Variants in NALF1 observed in about 807,000 individuals in gnomAD.
NALF1 encodes NALCN channel auxiliary factor 1.
In NALF1, 3 loss-of-function variants were observed where a neutral mutation model predicts 48.4. That is an observed-to-expected ratio of 0.06 (90% CI 0.03 to 0.16). The LOEUF is 0.16. Ranked by LOEUF, NALF1 falls within the 10% of genes least tolerant of loss-of-function variation. NALF1 has a pLI of 1.00. For synonymous variants in NALF1, 262 were observed against 245.7 expected (o/e 1.07, Z -0.62); for missense variants, 526 against 571.5 (o/e 0.92, Z 0.81).
intron 1 of NALF1, among the ~76,000 whole-genome samples, chr13:107,262,583 C>A (rs1363154105): frequency 6.6e-6 from 1 of 152,176 alleles, no homozygotes; most frequent in Non-Finnish European, 1.5e-5. Context: ...CAAAAACAAT[C>A]ATTTCCCTCA....
At chr13:107,653,458 C>T (rs1022670507) in intron 1 of NALF1, among the ~76,000 whole-genome samples, 3 of 147,116 alleles carry the variant, frequency 2.0e-5, no homozygotes, top group Non-Finnish European at 4.5e-5. Context: ...TATAATCAAG[C>T]CTCTGCTGTT....
intron 1 of NALF1, among the ~76,000 whole-genome samples, chr13:107,690,669 T>C (rs1375352119): frequency 6.6e-6 from 1 of 152,192 alleles, no homozygotes; most frequent in Non-Finnish European, 1.5e-5. Context: ...TTACTAAATA[T>C]GGTCAGAACA....
At chr13:107,647,293 A>G (rs1442396881) in intron 1 of NALF1, among the ~76,000 whole-genome samples, 2 of 152,062 alleles carry the variant, frequency 1.3e-5, no homozygotes, top group Non-Finnish European at 2.9e-5. Flanking sequence ...CCCTCACTCT[A>G]TGCCCTCAGT....
chr13:107,466,483 T>C (rs1885005389), intron 1 of NALF1: 1 of 152,280 alleles, frequency 6.6e-6, no homozygotes, highest in African/African-American at 2.4e-5. Context: ...ACATGGAAGA[T>C]CCACTCAAAT....
intron 1 of NALF1, among the ~76,000 whole-genome samples, chr13:107,226,502 C>A (rs1373980421): frequency 1.3e-5 from 2 of 152,178 alleles, no homozygotes; most frequent in Admixed American, 6.5e-5. Flanking sequence ...GAAACAGATT[C>A]TTATTCACTG....
chr13:107,674,050 A>C (rs1469864561), intron 1 of NALF1, among the ~76,000 whole-genome samples: 1 of 152,126 alleles, frequency 6.6e-6, no homozygotes, highest in African/African-American at 2.4e-5. Flanking sequence ...GAGCAACACC[A>C]AACCATCACT....
intron 1 of NALF1, among the ~76,000 whole-genome samples, chr13:107,354,516 G>T (rs1024624307): frequency 6.6e-6 from 1 of 152,170 alleles, no homozygotes; most frequent in African/African-American, 2.4e-5. Flanking sequence ...TCACACTCAT[G>T]AGAGCAGCAA....
chr13:107,343,792 C>T (rs2138937531), intron 1 of NALF1, among the ~76,000 whole-genome samples: 1 of 151,674 alleles, frequency 6.6e-6, no homozygotes, highest in Non-Finnish European at 1.5e-5. Flanking sequence ...AAGATTTATA[C>T]CTAAAGGAAT....
chr13:107,211,966 G>T (rs566116190), intron 1 of NALF1, among the ~76,000 whole-genome samples: 41 of 152,252 alleles, frequency 2.7e-4, no homozygotes, highest in African/African-American at 9.6e-4. Flanking sequence ...TAATGGAAAT[G>T]GAAAATCCAG....
intron 1 of NALF1, among the ~76,000 whole-genome samples, chr13:107,233,737 T>C (rs570950258): frequency 6.6e-6 from 1 of 152,344 alleles, no homozygotes; most frequent in African/African-American, 2.4e-5. Flanking sequence ...AATACTGTAC[T>C]AGCTAAACTG....
At chr13:107,827,311 T>A (rs1444548549) in intron 1 of NALF1, among the ~76,000 whole-genome samples, 3 of 152,222 alleles carry the variant, frequency 2.0e-5, no homozygotes, top group African/African-American at 7.2e-5. Flanking sequence ...TTAGCGTGTT[T>A]CTTTTCTCTT....
intron 1 of NALF1, among the ~76,000 whole-genome samples, chr13:107,669,436 C>A (rs574687101): frequency 1.3e-5 from 2 of 152,042 alleles, no homozygotes; most frequent in Non-Finnish European, 2.9e-5. Context: ...AACGGGAACA[C>A]GTGATTGTAA....
Position 107,535,845 on chromosome 13 carries a change from A to G in NALF1, c.916-325090T>C, listed in dbSNP as rs1389037270. Among the ~76,000 whole-genome samples, 4 of 152,206 alleles carry G rather than the reference A, an allele frequency of 2.6e-5. No individual in the cohort carries two copies. The East Asian group carries it at 7.7e-4, about 29-fold the overall frequency. The stretch of plus-strand genomic sequence containing the variant: ...CAAACTATACTACAAGGCTACAGTA[A>G]CCAAAACAGCATGGTACTGGTACCA... On this transcript the variant is annotated intron_variant, in intron 1 of 2. Coordinates refer to ENST00000375915, the MANE Select transcript of NALF1 (RefSeq NM_001080396.3).
intron 2 of NALF1, among the ~76,000 whole-genome samples, chr13:107,175,116 C>T (rs1005342591): frequency 4.8e-5 from 7 of 146,816 alleles, no homozygotes; most frequent in Admixed American, 2.0e-4. Flanking sequence ...TTCTCGATCT[C>T]CTGACCTCGT....
intron 1 of NALF1, among the ~76,000 whole-genome samples, chr13:107,516,222 A>G (rs1876045610): frequency 1.3e-5 from 2 of 152,212 alleles, no homozygotes; most frequent in African/African-American, 2.4e-5. Flanking sequence ...AACAAAGATG[A>G]CAATGAGCGG....
chr13:107,639,658 C>T (rs1880096349), intron 1 of NALF1, among the ~76,000 whole-genome samples: 2 of 152,066 alleles, frequency 1.3e-5, no homozygotes, highest in African/African-American at 2.4e-5. Context: ...CTTCAGGACA[C>T]AGGTTTGGGG....
chr13:107,170,878 A>G (rs1878788640), intron 2 of NALF1, 92 bp from the exon 3 acceptor site: 1 of 1,174,298 alleles, frequency 8.5e-7, no homozygotes, highest in African/African-American at 1.5e-5. Flanking sequence ...CTAACCCACA[A>G]AATCTTACAG....
intron 2 of NALF1, among the ~76,000 whole-genome samples, chr13:107,173,533 T>G (rs1878848003): frequency 6.6e-6 from 1 of 152,206 alleles, no homozygotes; most frequent in Non-Finnish European, 1.5e-5. Flanking sequence ...TCAGTTCTTT[T>G]CTGAAGAAAT....
intron 1 of NALF1, among the ~76,000 whole-genome samples, chr13:107,367,105 G>C (rs1039400403): frequency 6.6e-6 from 1 of 152,188 alleles, no homozygotes; most frequent in Admixed American, 6.5e-5. Flanking sequence ...AAAGCGAAAA[G>C]TAAGGCAAGG....
Sources: gnomAD v4.1 joint callset for allele counts (sites outside exome capture counted in the v4.1 genomes callset) on GRCh38, gnomAD v4.1.1 for gene constraint, MANE v1.5 for transcripts, NCBI Gene and HGNC (gene_info 2026-07-23, HGNC 2026-07-21) for gene names.